COX7B2: variants seen among roughly 807,000 people sequenced by gnomAD.
The protein encoded by COX7B2 is cytochrome c oxidase subunit 7B2, mitochondrial.
For synonymous variants in COX7B2, 37 were observed against 32.1 expected, an observed-to-expected ratio of 1.15 and a Z score of -0.51; for missense variants, 109 against 95.9, an observed-to-expected ratio of 1.14 and a Z score of -0.57.
intron 2 of COX7B2, among the ~76,000 whole-genome samples, chr4:46,744,636 T>A (rs564467672): frequency 3.7e-4 from 57 of 152,264 alleles, no homozygotes; most frequent in African/African-American, 9.9e-4. Context: ...TGAAATGGGC[T>A]TGTCAAAGTC....
In COX7B2 at chr4:46,795,025, C is replaced by T. The variant is rs374728090; in HGVS notation, c.-50+49935G>A. On this transcript the variant is annotated intron_variant, in intron 2 of 2. Transcript: ENST00000355591. ...TTGAGAAGTGTCTGTTCATGTCCTT[C>T]GCCCACTTTTTGATGGGGTTGTTTG... 1.4e-4 allele frequency among the ~76,000 whole-genome samples: 20 copies of T among 142,406 alleles called. No homozygotes were observed. In the South Asian group the frequency reaches 1.5e-3, roughly 10 times the overall value. 93.4% of individuals were successfully genotyped at this position (142,406 alleles called of 152,430 possible). A position where few individuals can be genotyped will look rare whatever the true frequency, so the allele number is the denominator to read the frequency against.
intron 2 of COX7B2, among the ~76,000 whole-genome samples, chr4:46,840,146 A>G (rs140650918): frequency 6.6e-6 from 1 of 151,550 alleles, no homozygotes; most frequent in African/African-American, 2.4e-5. Flanking sequence ...CAAGGTTGCA[A>G]GGTGACTCTC....
chr4:46,881,172 A>G (rs2109847969), intron 1 of COX7B2, among the ~76,000 whole-genome samples: 1 of 152,290 alleles, frequency 6.6e-6, no homozygotes, highest in Non-Finnish European at 1.5e-5. Flanking sequence ...CACCCATGAC[A>G]GAGCCTCAGG....
At chr4:46,759,244 C>T (rs1324743370) in intron 2 of COX7B2, among the ~76,000 whole-genome samples, 1 of 151,938 alleles carries the variant, frequency 6.6e-6, no homozygotes, top group South Asian at 2.1e-4. Context: ...GAAGCAAAAA[C>T]CGGAAGAAAT....
At chr4:46,896,807 T>C (rs1325019376) in intron 1 of COX7B2, among the ~76,000 whole-genome samples, 3 of 152,174 alleles carry the variant, frequency 2.0e-5, no homozygotes, top group Non-Finnish European at 2.9e-5. Context: ...CAGACAAAAC[T>C]GAAAGAGAAG....
At chr4:46,840,764 T>G (rs1715875931) in intron 2 of COX7B2, among the ~76,000 whole-genome samples, 1 of 152,018 alleles carries the variant, frequency 6.6e-6, no homozygotes, top group African/African-American at 2.4e-5. Flanking sequence ...AATAGAACTT[T>G]GCAGTAACAG....
chr4:46,842,862 A>T (rs1430690079), intron 2 of COX7B2, among the ~76,000 whole-genome samples: 4 of 152,090 alleles, frequency 2.6e-5, no homozygotes, highest in African/African-American at 7.2e-5. Flanking sequence ...CTATAAACAT[A>T]CGTGTGCATG....
intron 1 of COX7B2, among the ~76,000 whole-genome samples, chr4:46,855,913 T>A (rs1168731930): frequency 6.6e-6 from 1 of 152,180 alleles, no homozygotes; most frequent in Non-Finnish European, 1.5e-5. Flanking sequence ...GAAATAAGTC[T>A]GGTTTTCTTT....
intron 2 of COX7B2, among the ~76,000 whole-genome samples, chr4:46,814,844 C>T (rs979843404): frequency 6.6e-6 from 1 of 152,084 alleles, no homozygotes; most frequent in African/African-American, 2.4e-5. Flanking sequence ...TTCTATCATT[C>T]TTCTATATCC....
At position 46,756,244 on chromosome 4, in the gene COX7B2, A is replaced by G. The variant is rs192136052; in HGVS notation, c.-49-21003T>C. Among the ~76,000 whole-genome samples the G allele has an allele frequency of 1.2e-3, 186 of 152,188 alleles. 1 individual carries two copies. The highest frequency in any genetic ancestry group is 4.2e-3 in the African/African-American group (176 of 41,554). The stretch of plus-strand genomic sequence containing the variant: ...TCCTATTCAATAATGTTGCTGGGAG[A>G]TCAGATAGCCATATGCAGAAGAATG... On this transcript the variant is annotated intron_variant, in intron 2 of 2. Coordinates refer to ENST00000355591, the MANE Select transcript of COX7B2 (RefSeq NM_130902.3).
At chr4:46,755,186 C>A (rs908740242) in intron 2 of COX7B2, among the ~76,000 whole-genome samples, 3 of 151,844 alleles carry the variant, frequency 2.0e-5, no homozygotes, top group Non-Finnish European at 4.4e-5. Context: ...AGGACAAAAA[C>A]CACATGATCA....
In COX7B2 at chr4:46,860,211, A is replaced by C. The variant is rs58896157; in HGVS notation, c.-104-15197T>G. On this transcript the variant is annotated intron_variant, in intron 1 of 2. Coordinates refer to ENST00000355591, the MANE Select transcript of COX7B2 (RefSeq NM_130902.3). ...TGGTGACTGATGATACAGTCGAGAGAGACAGTGAGGTGACAATCCAAGGTG... is the reference window on the plus strand; with the variant it reads ...TGGTGACTGATGATACAGTCGAGAGCGACAGTGAGGTGACAATCCAAGGTG... 8.4e-3 allele frequency among the ~76,000 whole-genome samples: 1,282 copies of C among 152,260 alleles called. 15 individuals are homozygous for C. Among genetic ancestry groups the C allele is most frequent in the African/African-American group, 0.029 (1,220 of 41,534 alleles).
chr4:46,791,819 ATC>A (rs1172021576), intron 2 of COX7B2, among the ~76,000 whole-genome samples: 4 of 152,210 alleles, frequency 2.6e-5, no homozygotes, highest in African/African-American at 9.6e-5. Context: ...GGATCCCTGT[ATC>A]TGTTGATTCT....
chr4:46,741,344 T>C (rs2109399883), intron 2 of COX7B2, among the ~76,000 whole-genome samples: 1 of 152,154 alleles, frequency 6.6e-6, no homozygotes, highest in East Asian at 1.9e-4. Context: ...TCCTGTGCAT[T>C]GTAAGATGTT....
chr4:46,798,867 C>T (rs1302050497), intron 2 of COX7B2, among the ~76,000 whole-genome samples: 1 of 152,162 alleles, frequency 6.6e-6, no homozygotes, highest in Non-Finnish European at 1.5e-5. Context: ...GCTGCAATGC[C>T]TTTTCTCTCT....
At chr4:46,821,804 C>T (rs951325352) in intron 2 of COX7B2, among the ~76,000 whole-genome samples, 1 of 152,100 alleles carries the variant, frequency 6.6e-6, no homozygotes, top group Non-Finnish European at 1.5e-5. Flanking sequence ...TAAACTAAGC[C>T]TAGGAAACTA....
chr4:46,808,680 A>G (rs922789229), intron 2 of COX7B2, among the ~76,000 whole-genome samples: 1 of 151,784 alleles, frequency 6.6e-6, no homozygotes, highest in African/African-American at 2.4e-5. Flanking sequence ...TGGGTTTTTT[A>G]TAAAACACCC....
At chr4:46,781,313 T>C (rs1007934312) in intron 2 of COX7B2, among the ~76,000 whole-genome samples, 2 of 152,146 alleles carry the variant, frequency 1.3e-5, no homozygotes, top group Non-Finnish European at 2.9e-5. Context: ...CTACCCAAAC[T>C]AAGTCAAACA....
chr4:46,743,940 A>G (rs896273799), intron 2 of COX7B2, among the ~76,000 whole-genome samples: 57 of 152,348 alleles, frequency 3.7e-4, no homozygotes, highest in African/African-American at 1.4e-3. Context: ...AACTTTTAAC[A>G]TAAGATTCAA....
Sources: allele counts gnomAD v4.1 joint callset (sites outside exome capture counted in the v4.1 genomes callset), GRCh38; gene constraint gnomAD v4.1.1; transcripts MANE v1.5; gene names NCBI Gene and HGNC (gene_info 2026-07-23, HGNC 2026-07-21).